Variants in ZC3H4 observed in about 807,000 individuals in gnomAD.
ZC3H4 encodes the protein zinc finger CCCH-type containing 4, also known as zinc finger CCCH domain-containing protein 4.
ZC3H4 carries 13 observed loss-of-function variants against 108.3 expected under a neutral mutation model. That is an observed-to-expected ratio of 0.12 (90% CI 0.08 to 0.19). The LOEUF (loss-of-function observed/expected upper bound fraction) is 0.19. ZC3H4 is among the 10% of genes least tolerant of loss of function. The pLI is 1.00. For missense variants in ZC3H4, 1,734 were observed against 1,838.8 expected (o/e 0.94, Z 1.04); for synonymous variants, 917 against 749.6 (o/e 1.22, Z -3.65).
At chr19:47,086,276 G>A (rs2057620474) in intron 6 of ZC3H4, 108 bp downstream of exon 6, 1 of 1,281,500 alleles carries the variant, frequency 7.8e-7, no homozygotes, top group African/African-American at 1.5e-5. Context: ...CCTTCAGAAG[G>A]GCCGTATGTC....
intron 10 of ZC3H4, among the ~76,000 whole-genome samples, chr19:47,081,845 G>A (rs1747668717): frequency 6.6e-6 from 1 of 152,094 alleles, no homozygotes; most frequent in South Asian, 2.1e-4. Context: ...ACACTGGCTG[G>A]GGGCTGCGTC....
chr19:47,069,178 A>C lies in ZC3H4; in HGVS notation c.2312T>G (p.Leu771Arg). ...CTCCTGCTGCTTCTGCTGGATCCTC[A>C]GGTACAGGGCCCTCTGGGCTGAGGG... is the stretch of plus-strand genomic sequence containing the variant. ...FLPSAQRALY[L>R]RIQQKQQEEE... Residue 771 changes from leucine to arginine, a missense_variant, in exon 14 of 15, where the codon CTG becomes CGG. Physicochemically the swap from Leu to Arg is moderately radical, Grantham distance 102. This residue lies in a region of ZC3H4 where 540 missense variants were observed against 484.1 expected (regional missense o/e 1.12). Coordinates refer to ENST00000253048, the MANE Select transcript of ZC3H4 (RefSeq NM_015168.2). The C allele has an allele frequency of 1.2e-6, 2 of 1,609,924 alleles. No homozygotes were observed. Among genetic ancestry groups the C allele is most frequent in the Non-Finnish European group, 1.7e-6 (2 of 1,179,878 alleles).
chr19:47,072,840 A>T lies in ZC3H4; in HGVS notation c.1441-127T>A. The T allele has an allele frequency of 9.3e-7, 1 of 1,070,788 alleles. No individual in the cohort carries two copies. The highest frequency in any genetic ancestry group is 1.3e-6 in the Non-Finnish European group (1 of 752,364). The allele number at this position is 1,070,788 out of a possible 1,614,324, so 66.3% of individuals were successfully genotyped here. A position where few individuals can be genotyped will look rare whatever the true frequency, so the allele number is the denominator to read the frequency against. On this transcript the variant is annotated intron_variant, in intron 11 of 14. Transcript: ENST00000253048. The surrounding 1 kb of genome is among the most constrained non-coding windows in gnomAD (Gnocchi z 5.6). ...CAAGGACCTTGAGATCTAAAGGCAT[A>T]AAGACCACAATGGCTCTGTAACAAA...
At chr19:47,106,798 C>T (rs1376712401) in intron 2 of ZC3H4, among the ~76,000 whole-genome samples, 1 of 152,186 alleles carries the variant, frequency 6.6e-6, no homozygotes, top group Non-Finnish European at 1.5e-5. Context: ...CCAAGAAAAG[C>T]CGGGGAGGAA....
intron 2 of ZC3H4, among the ~76,000 whole-genome samples, chr19:47,099,694 C>T (rs893625797): frequency 3.9e-5 from 6 of 151,900 alleles, no homozygotes; most frequent in African/African-American, 9.7e-5. Flanking sequence ...GAGAGCTGAG[C>T]CCCGGGAAGG....
chr19:47,065,582 T>C lies in ZC3H4; in HGVS notation c.*774A>G, dbSNP rs898249861. ...GTGCGTGCTCCTAGGGGCTGCCTCC[T>C]AGAGGTGGCTCTTCAGGACTCTGCC... On this transcript the variant is annotated 3_prime_UTR_variant, in exon 15 of 15. Transcript: ENST00000253048. 7.2e-5 allele frequency: 11 copies of C among 152,762 alleles called. No individual in the cohort carries two copies. Among genetic ancestry groups the C allele is most frequent in the Non-Finnish European group, 1.5e-4 (10 of 68,184 alleles). The allele number at this position is 152,762 out of a possible 1,614,324, so 9.5% of individuals were successfully genotyped here.
chr19:47,069,271 G>T lies in ZC3H4; in HGVS notation c.2219C>A (p.Pro740His), dbSNP rs764776440. The change falls in exon 14 of 15, where the codon CCC becomes CAC. Residue 740 changes from proline to histidine, a missense_variant. By Grantham distance (77) the Pro-to-His change is moderately conservative. Transcript: ENST00000253048. The part of the protein sequence containing the change: ...EHLFPEHPLE[P>H]DSFSEGGPPG... ...GGGCCCTCCCTCAGAGAAGCTGTCG[G>T]GCTCCAGAGGGTGCTCAGGGAAGAG... is the stretch of plus-strand genomic sequence containing the variant. 1.7e-5 allele frequency: 28 copies of T among 1,613,808 alleles called. No individual in the cohort carries two copies. The highest frequency in any genetic ancestry group is 2.2e-5 in the Non-Finnish European group (26 of 1,179,972).
chr19:47,067,447 G>A lies in ZC3H4; in HGVS notation c.2821C>T (p.Leu941=), dbSNP rs1444918939. 1.9e-6 allele frequency: 3 copies of A among 1,597,490 alleles called. No individual in the cohort carries two copies. Among genetic ancestry groups the A allele is most frequent in the African/African-American group, 1.3e-5 (1 of 74,710 alleles). ...AGAGGGTGCCCGGGGAGTGGGTCCA[G>A]GGGAATGTTCACGGCCTTCTCCCGC... ...ALREKAVNIP[L]DPLPGHPLRD... The change falls in exon 15 of 15, where the codon CTG becomes TTG. Residue 941 remains leucine (L), a synonymous_variant. Transcript: ENST00000253048. The surrounding 1 kb of genome is among the most constrained non-coding windows in gnomAD (Gnocchi z 6.4).
intron 2 of ZC3H4, among the ~76,000 whole-genome samples, chr19:47,109,447 G>C (rs991594128): frequency 7.2e-5 from 11 of 152,190 alleles, no homozygotes; most frequent in Non-Finnish European, 1.5e-4. Context: ...TGGGTCATCA[G>C]TCATCCAGTT....
intron 4 of ZC3H4, among the ~76,000 whole-genome samples, chr19:47,091,163 T>C (rs2057725296): frequency 1.3e-5 from 2 of 152,222 alleles, no homozygotes; most frequent in South Asian, 2.1e-4. Flanking sequence ...TCCCAGCTAC[T>C]TGAGAGGCTG....
chr19:47,066,378 G>A lies in ZC3H4; in HGVS notation c.3890C>T (p.Thr1297Met), dbSNP rs2122630918. 2.6e-6 allele frequency: 4 copies of A among 1,560,536 alleles called. No individual in the cohort carries two copies. Among genetic ancestry groups the A allele is most frequent in the East Asian group, 2.3e-5 (1 of 43,822 alleles). Residue 1297 changes from threonine to methionine, a missense_variant, in exon 15 of 15, where the codon ACG becomes ATG. Thr to Met is a moderately conservative substitution (Grantham distance 81). Coordinates refer to ENST00000253048, the MANE Select transcript of ZC3H4 (RefSeq NM_015168.2). ...LKDVFKGFDP[T>M]ASPFCQ ...ACACTACTGGCAAAAGGGGGAGGCCGTGGGGTCGAAGCCTTTAAAAACATC... is the reference window on the plus strand; with the variant it reads ...ACACTACTGGCAAAAGGGGGAGGCCATGGGGTCGAAGCCTTTAAAAACATC...
chr19:47,082,080 CAG>C, intron 10 of ZC3H4, 102 bp downstream of exon 10: 1 of 1,005,716 alleles, frequency 9.9e-7, no homozygotes, highest in East Asian at 2.4e-5. Flanking sequence ...GCTCTTGGCA[CAG>C]AGAGAAAGCA....
chr19:47,072,570 A>G lies in ZC3H4; in HGVS notation c.1584T>C (p.Ala528=), dbSNP rs1204756044. The part of the protein sequence containing the change: ...PTPPRPPGPQ[A]PTSPNGRPMQ... ...TGGGCCTGCCGTTGGGAGAGGTTGG[A>G]GCCTGCGGGCCAGGGGGCCGAGGAG... The change falls in exon 12 of 15, where the codon GCT becomes GCC. Residue 528 remains alanine, a synonymous_variant. Coordinates refer to ENST00000253048, the MANE Select transcript of ZC3H4 (RefSeq NM_015168.2). The surrounding 1 kb of genome is among the most constrained non-coding windows in gnomAD (Gnocchi z 5.6). The G allele has an allele frequency of 6.4e-7, 1 of 1,550,894 alleles. No homozygotes were observed. Among genetic ancestry groups the G allele is most frequent in the Admixed American group, 1.9e-5 (1 of 52,302 alleles).
chr19:47,111,806 C>T (rs746540569), intron 2 of ZC3H4, among the ~76,000 whole-genome samples: 1 of 151,750 alleles, frequency 6.6e-6, no homozygotes, highest in Non-Finnish European at 1.5e-5. Flanking sequence ...GGAGAAGGGA[C>T]CTGAATGAAC....
intron 6 of ZC3H4, 89 bp downstream of exon 6, chr19:47,086,295 T>C: frequency 1.3e-6 from 2 of 1,504,086 alleles, no homozygotes; most frequent in South Asian, 1.2e-5. Context: ...TCTTCCTACC[T>C]TGGCCTCACA....
At chr19:47,085,289 C>T (rs1463035545) in intron 7 of ZC3H4, 29 bp downstream of exon 7, 1 of 1,577,234 alleles carries the variant, frequency 6.3e-7, no homozygotes, top group Middle Eastern at 1.7e-4. Context: ...CTGCCCCACC[C>T]AGCGTGTCCT....
chr19:47,085,593 T>C (rs1338014973), intron 6 of ZC3H4, among the ~76,000 whole-genome samples, 179 bp from the exon 7 acceptor site: 3 of 152,124 alleles, frequency 2.0e-5, no homozygotes, highest in Non-Finnish European at 4.4e-5. Context: ...GTCTTCACTG[T>C]GAAGACCTGA....
At chr19:47,075,873 A>G (rs931213360) in intron 11 of ZC3H4, among the ~76,000 whole-genome samples, 17 of 152,084 alleles carry the variant, frequency 1.1e-4, no homozygotes. Context: ...CAAACTGCCC[A>G]TCGGTCCTGC....
Position 47,071,771 on chromosome 19 carries a change from C to G in ZC3H4, c.2146+7G>C. Reference sequence around the variant, plus strand: ...CCCCAGGCAGCCACACCTGGAGTCCCGCATACCTGCATCCCCCAGGAGTCC... The same window carrying G: ...CCCCAGGCAGCCACACCTGGAGTCCGGCATACCTGCATCCCCCAGGAGTCC... On this transcript the variant is annotated splice_region_variant and intron_variant, in intron 13 of 14. Transcript: ENST00000253048. 6.3e-7 allele frequency: 1 copy of G among 1,598,048 alleles called. No individual in the cohort carries two copies. Among genetic ancestry groups the G allele is most frequent in the Non-Finnish European group, 8.5e-7 (1 of 1,173,330 alleles).
Sources: gnomAD v4.1 joint callset for allele counts (sites outside exome capture counted in the v4.1 genomes callset) on GRCh38, gnomAD v4.1.1 for gene constraint, gnomAD v4.1.1 regional missense constraint, Gnocchi (gnomAD v3.1) non-coding constraint, MANE v1.5 for transcripts, NCBI Gene and HGNC (gene_info 2026-07-23, HGNC 2026-07-21) for gene names.